SCARA5: variants seen among roughly 807,000 people sequenced by gnomAD.
SCARA5 encodes scavenger receptor class A, member 5 (putative).
SCARA5 carries 45 observed loss-of-function variants against 46.3 expected under a neutral mutation model. That is an observed-to-expected ratio of 0.97 (90% CI 0.76 to 1.24). The LOEUF (loss-of-function observed/expected upper bound fraction) is 1.24. Ranked by LOEUF, SCARA5 falls within the 50% of genes most tolerant of loss-of-function variation. SCARA5 has a pLI of 0.00. For missense variants in SCARA5, 680 were observed against 689.0 expected (o/e 0.99, Z 0.15); for synonymous variants, 333 against 306.5 (o/e 1.09, Z -0.90).
intron 8 of SCARA5, among the ~76,000 whole-genome samples, chr8:27,873,559 C>A (rs1443773505): frequency 1.3e-5 from 2 of 151,936 alleles, no homozygotes; most frequent in Admixed American, 6.6e-5. Flanking sequence ...CCCCTCCCCA[C>A]CAGAGAACAA....
At chr8:27,951,387 AT>A (rs1808123968) in intron 3 of SCARA5, among the ~76,000 whole-genome samples, 1 of 152,202 alleles carries the variant, frequency 6.6e-6, no homozygotes, top group Non-Finnish European at 1.5e-5. Context: ...CAGCCCAGAA[AT>A]TCTCAACCCA....
At chr8:27,931,780 G>A (rs1405746169) in intron 3 of SCARA5, among the ~76,000 whole-genome samples, 1 of 151,776 alleles carries the variant, frequency 6.6e-6, no homozygotes, top group Non-Finnish European at 1.5e-5. Context: ...ACTGCCTCCA[G>A]AGTAGCTGGG....
At chr8:27,991,215 C>G (rs1808781723) in intron 1 of SCARA5, among the ~76,000 whole-genome samples, 1 of 152,194 alleles carries the variant, frequency 6.6e-6, no homozygotes, top group Admixed American at 6.5e-5. Context: ...AGGTGGGTAG[C>G]TGCTGGTCAC....
At chr8:27,916,040 C>T (rs530688816) in intron 4 of SCARA5, among the ~76,000 whole-genome samples, 2 of 152,318 alleles carry the variant, frequency 1.3e-5, no homozygotes, top group East Asian at 3.9e-4. Flanking sequence ...TTCTTTCAAA[C>T]CCACAGGCAG....
Position 27,870,884 on chromosome 8 carries a change from A to G in SCARA5, c.*1050T>C, listed in dbSNP as rs1465909342. ...AAATCATCACCTCCAAACAGCTGAG[A>G]CACACATGACTTGGCTTTAACCGTG... On this transcript the variant is annotated 3_prime_UTR_variant, in exon 9 of 9. Transcript: ENST00000354914. 1 of 152,250 alleles carries G rather than the reference A, an allele frequency of 6.6e-6. No homozygotes were observed. Among genetic ancestry groups the G allele is most frequent in the Non-Finnish European group, 1.5e-5 (1 of 68,064 alleles). The allele number at this position is 152,250 out of a possible 1,614,324, so 9.4% of individuals were successfully genotyped here. A position where few individuals can be genotyped will look rare whatever the true frequency, so the allele number is the denominator to read the frequency against.
intron 7 of SCARA5, among the ~76,000 whole-genome samples, chr8:27,895,634 ACTCT>A (rs898771832): frequency 6.6e-6 from 1 of 151,832 alleles, no homozygotes; most frequent in Admixed American, 6.6e-5. Context: ...GGAGTGAGTG[ACTCT>A]CTCCAGGTCA....
In SCARA5 at chr8:27,992,245, A is replaced by AC. The variant is rs934821810; in HGVS notation, c.-16+11dup. 2.0e-5 allele frequency: 3 copies of AC among 152,208 alleles called. No individual in the cohort carries two copies. Among genetic ancestry groups the AC allele is most frequent in the African/African-American group, 7.2e-5 (3 of 41,428 alleles). 9.4% of individuals were successfully genotyped at this position (152,208 alleles called of 1,614,324 possible). ...GCCCAGGAGATAGGACAAAATTAGTACCAAGACTCACCTGAGTGCCCCTGG... is the reference window on the plus strand; with the variant it reads ...GCCCAGGAGATAGGACAAAATTAGTACCCAAGACTCACCTGAGTGCCCCTGG... On this transcript the variant is annotated intron_variant, in intron 1 of 8. Coordinates refer to ENST00000354914, the MANE Select transcript of SCARA5 (RefSeq NM_173833.6).
At chr8:27,977,876 A>G (rs1808550630) in intron 2 of SCARA5, among the ~76,000 whole-genome samples, 4 of 152,232 alleles carry the variant, frequency 2.6e-5, no homozygotes, top group African/African-American at 9.6e-5. Context: ...TAAAAAACGC[A>G]CTGGATTTTG....
intron 7 of SCARA5, chr8:27,904,486 T>C (rs1374334934): frequency 3.8e-6 from 2 of 532,960 alleles, no homozygotes; most frequent in African/African-American, 3.7e-5. Context: ...ATGAGAACAC[T>C]GAGGCACAGA....
chr8:27,920,329 C>G lies in SCARA5; in HGVS notation c.916+1242G>C, dbSNP rs534649439. Among the ~76,000 whole-genome samples the G allele has an allele frequency of 2.0e-4, 31 of 152,154 alleles. 2 individuals carry two copies. In the South Asian group the frequency reaches 6.4e-3, roughly 32 times the overall value. On this transcript the variant is annotated intron_variant, in intron 4 of 8. Coordinates refer to ENST00000354914, the MANE Select transcript of SCARA5 (RefSeq NM_173833.6). ...CTAAAACAGTAATAATTTTTAAAAA[C>G]TGGCCAGGTGTAGTGGCTCAAGCCT...
intron 3 of SCARA5, among the ~76,000 whole-genome samples, chr8:27,936,549 A>ACT (rs959310206): frequency 1.6e-5 from 2 of 128,480 alleles, no homozygotes; most frequent in African/African-American, 5.7e-5. Flanking sequence ...AGATCACACC[A>ACT]CTGCACTCCA....
intron 8 of SCARA5, among the ~76,000 whole-genome samples, chr8:27,878,296 G>C (rs1444585194): frequency 6.6e-6 from 1 of 152,172 alleles, no homozygotes; most frequent in Non-Finnish European, 1.5e-5. Flanking sequence ...TTACAGACAG[G>C]ACACCAAGAC....
Position 27,966,427 on chromosome 8 carries a change from G to C in SCARA5, c.228C>G (p.Ile76Met). The change falls in exon 3 of 9, where the codon ATC becomes ATG. Residue 76 changes from isoleucine (I) to methionine (M), a missense_variant. Physicochemically the swap from Ile to Met is conservative, Grantham distance 10. Around this residue, in one of 3 missense-constraint regions of SCARA5, gnomAD observed 438 missense variants for 384.5 expected, o/e 1.14. Coordinates refer to ENST00000354914, the MANE Select transcript of SCARA5 (RefSeq NM_173833.6). ...YLLVFLILVG[I>M]FILAVSRPRS... The stretch of plus-strand genomic sequence containing the variant: ...GCCTGCTCTTACCTGCTAAGATGAA[G>C]ATGCCCACAAGAATCAGGAAGACCA... 1 of 1,609,982 alleles carries C rather than the reference G, an allele frequency of 6.2e-7. No individual in the cohort carries two copies. Among genetic ancestry groups the C allele is most frequent in the Non-Finnish European group, 8.5e-7 (1 of 1,178,960 alleles).
In SCARA5 at chr8:27,982,911, AAG is replaced by A. The variant is rs528737890; in HGVS notation, c.112+4591_112+4592del. On this transcript the variant is annotated intron_variant, in intron 2 of 8. Transcript: ENST00000354914. ...GAAGAGAAATGAGGGGCGAGAAGGA[AAG>A]AGAAAAAAACAGCAGGTCCGGTGCA... Among the ~76,000 whole-genome samples the A allele has an allele frequency of 1.2e-4, 19 of 152,282 alleles. No individual in the cohort carries two copies. In the South Asian group the frequency reaches 3.9e-3, roughly 32 times the overall value.
At chr8:27,888,724 A>G (rs1806936046) in intron 7 of SCARA5, among the ~76,000 whole-genome samples, 1 of 152,160 alleles carries the variant, frequency 6.6e-6, no homozygotes, top group South Asian at 2.1e-4. Context: ...TACAAGCCCC[A>G]TCAACACCCT....
chr8:27,878,215 T>G (rs1461859908), intron 8 of SCARA5, among the ~76,000 whole-genome samples: 1 of 152,116 alleles, frequency 6.6e-6, no homozygotes, highest in African/African-American at 2.4e-5. Flanking sequence ...TCTCCACAGG[T>G]GAGCAGTGGC....
intron 8 of SCARA5, 115 bp downstream of exon 8, chr8:27,879,454 G>T: frequency 1.0e-6 from 1 of 982,974 alleles, no homozygotes; most frequent in Non-Finnish European, 1.6e-6. Context: ...AGCATTTGGG[G>T]AGAGGCTGGG....
At chr8:27,948,472 A>C (rs1162709701) in intron 3 of SCARA5, among the ~76,000 whole-genome samples, 10 of 152,154 alleles carry the variant, frequency 6.6e-5, no homozygotes, top group Non-Finnish European at 1.2e-4. Flanking sequence ...ATCAAATACA[A>C]AGGCGGCAGG....
rs1444370950 is a variant in SCARA5 at position 27,871,724 on chromosome 8, G to A, written c.*210C>T. 1.6e-5 allele frequency: 23 copies of A among 1,407,832 alleles called. No homozygotes were observed. The South Asian group carries it at 3.5e-4, about 21-fold the overall frequency. 87.2% of individuals were successfully genotyped at this position (1,407,832 alleles called of 1,614,324 possible). A position where few individuals can be genotyped will look rare whatever the true frequency, so the allele number is the denominator to read the frequency against. ...AGGAACCTGGTGGAAGAGAGAGACG[G>A]GCAGTAGGTCCCAGAGTTATACTTC... On this transcript the variant is annotated 3_prime_UTR_variant, in exon 9 of 9. Transcript: ENST00000354914.
Sources: allele counts gnomAD v4.1 joint callset (sites outside exome capture counted in the v4.1 genomes callset), GRCh38; gene constraint gnomAD v4.1.1; regional missense constraint gnomAD v4.1.1; transcripts MANE v1.5; gene names NCBI Gene and HGNC (gene_info 2026-07-23, HGNC 2026-07-21).